Variants in ENPP3 observed in about 807,000 individuals in gnomAD.
The protein encoded by ENPP3 is ectonucleotide pyrophosphatase/phosphodiesterase family member 3.
A neutral mutation model predicts 117.8 loss-of-function variants in ENPP3; 104 were observed. The observed-to-expected ratio is 0.88, with a 90% CI of 0.75 to 1.04. The LOEUF (loss-of-function observed/expected upper bound fraction) is 1.04. Among genes scored for constraint, ENPP3 ranks in the 50% least tolerant of loss-of-function variants. ENPP3 has a pLI of 0.00. For missense variants in ENPP3, 1,026 were observed against 1,051.9 expected (o/e 0.98, Z 0.34); for synonymous variants, 380 against 349.9 (o/e 1.09, Z -0.96).
chr6:131,658,528 G>A (rs1778433489), intron 6 of ENPP3, 108 bp downstream of exon 6: 1 of 640,800 alleles, frequency 1.6e-6, no homozygotes, highest in Non-Finnish European at 2.7e-6. Flanking sequence ...GTTTGTCTTA[G>A]CCTAGATCCT....
intron 6 of ENPP3, among the ~76,000 whole-genome samples, chr6:131,664,071 C>T (rs1414303184): frequency 6.6e-6 from 1 of 152,114 alleles, no homozygotes; most frequent in Non-Finnish European, 1.5e-5. Context: ...GAGTGTACTA[C>T]TACTTATTTA....
chr6:131,662,029 A>T (rs989358846), intron 6 of ENPP3, among the ~76,000 whole-genome samples: 3 of 152,138 alleles, frequency 2.0e-5, no homozygotes, highest in African/African-American at 7.2e-5. Context: ...TTATAGTTTC[A>T]GGTCTTACTT....
At chr6:131,666,052 T>C (rs893376879) in intron 6 of ENPP3, among the ~76,000 whole-genome samples, 6 of 152,188 alleles carry the variant, frequency 3.9e-5, no homozygotes, top group African/African-American at 1.2e-4. Flanking sequence ...TGTTATTCCA[T>C]TGTAGTTGGA....
At position 131,746,754 on chromosome 6, in the gene ENPP3, G is replaced by GA. The variant is rs750309431; in HGVS notation, c.2458-23dup. 1,768 of 1,544,906 alleles carry GA rather than the reference G, an allele frequency of 1.1e-3. 5 individuals are homozygous for GA. The African/African-American group carries it at 0.012, about 10-fold the overall frequency. ...CTGTTCATGAAAAATACTGCCTTGT[G>GA]AAAAAAAAAGTGTTGTGCTTTTCTT... On this transcript the variant is annotated intron_variant, in intron 24 of 24. Coordinates refer to ENST00000357639, the MANE Select transcript of ENPP3 (RefSeq NM_005021.5).
intron 7 of ENPP3, among the ~76,000 whole-genome samples, chr6:131,672,724 A>G (rs991520736): frequency 3.3e-5 from 5 of 151,472 alleles, no homozygotes; most frequent in Non-Finnish European, 1.5e-5. Context: ...GGGATTATGC[A>G]CAAATGCAAT....
At chr6:131,680,925 A>C (rs888117656) in intron 11 of ENPP3, among the ~76,000 whole-genome samples, 2 of 152,194 alleles carry the variant, frequency 1.3e-5, no homozygotes, top group Non-Finnish European at 2.9e-5. Flanking sequence ...CTTTCCTGTG[A>C]GAACTCATGC....
intron 1 of ENPP3, chr6:131,638,639 T>C (rs1377720245): frequency 9.4e-6 from 3 of 319,778 alleles, no homozygotes; most frequent in Non-Finnish European, 1.8e-5. Context: ...TTGCCCAGGC[T>C]GGTCTCAAAC....
chr6:131,733,271 TA>T (rs1780324257), intron 20 of ENPP3, among the ~76,000 whole-genome samples: 2 of 152,300 alleles, frequency 1.3e-5, no homozygotes, highest in South Asian at 4.1e-4. Flanking sequence ...CATCACCACA[TA>T]AAAGTTAGAT....
At chr6:131,638,679 C>CTGGGCA (rs1777977483) in intron 1 of ENPP3, 2 of 255,002 alleles carry the variant, frequency 7.8e-6, no homozygotes, top group African/African-American at 4.6e-5. Context: ...CCTGCCTCGG[C>CTGGGCA]CTCCCAAAGT....
chr6:131,648,834 G>T (rs1219803683), intron 2 of ENPP3, among the ~76,000 whole-genome samples: 2 of 152,124 alleles, frequency 1.3e-5, no homozygotes, highest in East Asian at 1.9e-4. Context: ...CACACTCCTC[G>T]CACAATAAGA....
chr6:131,691,542 T>C (rs1021976814), intron 14 of ENPP3, among the ~76,000 whole-genome samples: 2 of 146,712 alleles, frequency 1.4e-5, no homozygotes, highest in African/African-American at 5.1e-5. Flanking sequence ...TGAGCTGAGA[T>C]CATACCGCTG....
rs548949478 is a variant in ENPP3 at position 131,720,919 on chromosome 6, C to A, written c.1567+540C>A. On this transcript the variant is annotated intron_variant, in intron 17 of 24. Transcript: ENST00000357639. ...AAACTTTAGATCTCAGAAGACCAACCTTTTCTATTAGTTAGTTACTAGATG... is the reference window on the plus strand; with the variant it reads ...AAACTTTAGATCTCAGAAGACCAACATTTTCTATTAGTTAGTTACTAGATG... Among the ~76,000 whole-genome samples the A allele has an allele frequency of 1.7e-3, 260 of 152,204 alleles. 3 individuals carry two copies. The highest frequency in any genetic ancestry group is 9.3e-4 in the Non-Finnish European group (63 of 67,994).
chr6:131,653,142 G>A (rs751823396), intron 5 of ENPP3, among the ~76,000 whole-genome samples: 79 of 151,752 alleles, frequency 5.2e-4, no homozygotes, highest in Middle Eastern at 3.4e-3. Flanking sequence ...TTTTGTTTTT[G>A]TCTTTGAGAC....
chr6:131,729,644 A>AG (rs1022493251), intron 20 of ENPP3, among the ~76,000 whole-genome samples: 4 of 151,966 alleles, frequency 2.6e-5, no homozygotes, highest in African/African-American at 9.7e-5. Context: ...TATGTGTTGG[A>AG]GGCGGGGTGG....
chr6:131,706,773 T>C (rs1439971306), intron 15 of ENPP3, among the ~76,000 whole-genome samples: 5 of 152,110 alleles, frequency 3.3e-5, no homozygotes, highest in Admixed American at 3.3e-4. Context: ...GGTTTGTTTT[T>C]CTGGAAACAA....
At chr6:131,676,249 GTTT>G (rs202004046) in intron 9 of ENPP3, among the ~76,000 whole-genome samples, 18 of 139,180 alleles carry the variant, frequency 1.3e-4, no homozygotes, top group East Asian at 4.2e-4. Flanking sequence ...CTCTGCTCTA[GTTT>G]TTTTTTTTTT....
intron 5 of ENPP3, among the ~76,000 whole-genome samples, chr6:131,653,235 T>A (rs1361771352): frequency 6.6e-6 from 1 of 152,042 alleles, no homozygotes; most frequent in Non-Finnish European, 1.5e-5. Flanking sequence ...ACACAGGTGA[T>A]CCTCCCCATC....
chr6:131,728,581 T>TTG (rs1470415343), intron 20 of ENPP3, among the ~76,000 whole-genome samples: 2 of 152,210 alleles, frequency 1.3e-5, no homozygotes, highest in African/African-American at 4.8e-5. Flanking sequence ...TGTTAGTGTG[T>TTG]TGTGGTTCAA....
intron 15 of ENPP3, among the ~76,000 whole-genome samples, chr6:131,694,257 C>T (rs545630836): frequency 6.6e-6 from 1 of 152,194 alleles, no homozygotes; most frequent in Admixed American, 6.5e-5. Flanking sequence ...ATTGATTCAA[C>T]GTTTTATTTT....
Sources: allele counts gnomAD v4.1 joint callset (sites outside exome capture counted in the v4.1 genomes callset), GRCh38; gene constraint gnomAD v4.1.1; transcripts MANE v1.5; gene names NCBI Gene and HGNC (gene_info 2026-07-23, HGNC 2026-07-21).